Variants in GAPVD1 observed in about 807,000 individuals in gnomAD.
GAPVD1 encodes the protein GTPase activating protein and VPS9 domains 1, also known as GTPase-activating protein and VPS9 domain-containing protein 1.
In GAPVD1, 35 loss-of-function variants were observed where a neutral mutation model predicts 155.5. The ratio of observed to expected loss-of-function variants is 0.23; its 90% confidence interval spans 0.17 to 0.30. GAPVD1 has a LOEUF of 0.30. GAPVD1 is among the 10% of genes least tolerant of loss of function. The pLI is 1.00. For synonymous variants in GAPVD1, 636 were observed against 619.7 expected (o/e 1.03, Z -0.39); for missense variants, 1,429 against 1,775.7 (o/e 0.80, Z 3.51).
chr9:125,307,922 A>G, intron 8 of GAPVD1, 42 bp downstream of exon 8: 1 of 1,291,102 alleles, frequency 7.7e-7, no homozygotes, highest in Non-Finnish European at 1.1e-6. Flanking sequence ...CTTAAATCTA[A>G]TATTTCATTA....
At chr9:125,291,435 T>C (rs1838594569) in intron 2 of GAPVD1, among the ~76,000 whole-genome samples, 1 of 152,122 alleles carries the variant, frequency 6.6e-6, no homozygotes, top group South Asian at 2.1e-4. Flanking sequence ...GAAGTGATTA[T>C]AATGATTGGC....
intron 2 of GAPVD1, among the ~76,000 whole-genome samples, chr9:125,280,575 C>CTT (rs1197408782): frequency 1.5e-5 from 2 of 137,690 alleles, no homozygotes; most frequent in Admixed American, 7.4e-5. Flanking sequence ...GTTACTACTA[C>CTT]TTTTTTTTTT....
At chr9:125,350,905 T>G (rs374219759) in intron 23 of GAPVD1, 33 bp downstream of exon 23, 1 of 1,530,942 alleles carries the variant, frequency 6.5e-7, no homozygotes, top group Non-Finnish European at 8.9e-7. Flanking sequence ...CTTTTAAACC[T>G]AGTTGTTAGC....
chr9:125,268,960 G>A lies in GAPVD1; in HGVS notation c.-174G>A, dbSNP rs953176849. 4.6e-5 allele frequency: 7 copies of A among 151,606 alleles called. No individual in the cohort carries two copies. The highest frequency in any genetic ancestry group is 8.8e-5 in the Non-Finnish European group (6 of 67,912). The allele number at this position is 151,606 out of a possible 1,614,324, so 9.4% of individuals were successfully genotyped here. A position where few individuals can be genotyped will look rare whatever the true frequency, so the allele number is the denominator to read the frequency against. ...GGGGTAAGTGTACTGGAGAGAGTTG[G>A]TTATACATTCTAGGAATCTCAAAGG... On this transcript the variant is annotated 5_prime_UTR_variant, in exon 2 of 28. Transcript: ENST00000297933.
intron 1 of GAPVD1, among the ~76,000 whole-genome samples, chr9:125,264,976 C>T (rs1833617524): frequency 6.6e-6 from 1 of 152,128 alleles, no homozygotes; most frequent in South Asian, 2.1e-4. Context: ...GCCTTGGCCC[C>T]CCAGAGTGCT....
intron 2 of GAPVD1, among the ~76,000 whole-genome samples, chr9:125,276,024 T>C (rs1835727255): frequency 1.3e-5 from 2 of 152,246 alleles, no homozygotes; most frequent in Non-Finnish European, 2.9e-5. Flanking sequence ...GGAAAATTAG[T>C]GTATTGAGGG....
At chr9:125,293,420 T>C (rs751667445) in intron 2 of GAPVD1, among the ~76,000 whole-genome samples, 6 of 151,190 alleles carry the variant, frequency 4.0e-5, no homozygotes, top group Non-Finnish European at 5.9e-5. Context: ...TGAATACATT[T>C]CAGAAATAAT....
intron 2 of GAPVD1, among the ~76,000 whole-genome samples, chr9:125,283,092 C>T (rs1837061027): frequency 6.7e-6 from 1 of 149,382 alleles, no homozygotes; most frequent in Non-Finnish European, 1.5e-5. Flanking sequence ...GGGAGTTTTG[C>T]TCTGTCGCCC....
intron 2 of GAPVD1, among the ~76,000 whole-genome samples, chr9:125,276,573 C>A (rs562972004): frequency 5.2e-4 from 79 of 152,208 alleles, no homozygotes; most frequent in African/African-American, 1.7e-3. Context: ...CCTGTAGTCC[C>A]AGCTACTCAG....
chr9:125,340,989 C>T (rs1029975225), intron 17 of GAPVD1, among the ~76,000 whole-genome samples, 188 bp from the exon 18 acceptor site: 7 of 152,138 alleles, frequency 4.6e-5, no homozygotes, highest in Non-Finnish European at 8.8e-5. Flanking sequence ...GAGGCTGATA[C>T]GGGGAGGATC....
chr9:125,271,128 A>T (rs959431894), intron 2 of GAPVD1, among the ~76,000 whole-genome samples: 1 of 152,094 alleles, frequency 6.6e-6, no homozygotes, highest in African/African-American at 2.4e-5. Context: ...GGCCAAAATT[A>T]TGTTTTTGTA....
At chr9:125,357,715 T>C (rs867222170) in intron 25 of GAPVD1, among the ~76,000 whole-genome samples, 8 of 152,280 alleles carry the variant, frequency 5.3e-5, no homozygotes, top group African/African-American at 1.4e-4. Flanking sequence ...GGCGTATGCC[T>C]GTAATCCCAT....
At chr9:125,275,789 A>G (rs1473720066) in intron 2 of GAPVD1, among the ~76,000 whole-genome samples, 1 of 152,162 alleles carries the variant, frequency 6.6e-6, no homozygotes, top group African/African-American at 2.4e-5. Flanking sequence ...CTTGTTTAAC[A>G]TTGCCAATTT....
intron 2 of GAPVD1, among the ~76,000 whole-genome samples, chr9:125,270,411 A>G (rs1200908746): frequency 6.6e-6 from 1 of 152,104 alleles, no homozygotes; most frequent in African/African-American, 2.4e-5. Context: ...CCTGGGTGAC[A>G]GAGCTAGAGT....
intron 11 of GAPVD1, among the ~76,000 whole-genome samples, chr9:125,325,971 C>A (rs1845111499): frequency 6.6e-6 from 1 of 152,196 alleles, no homozygotes; most frequent in African/African-American, 2.4e-5. Flanking sequence ...GGACATGAAT[C>A]ATTCCTTAGT....
intron 2 of GAPVD1, among the ~76,000 whole-genome samples, chr9:125,269,710 CTTTT>C (rs951306489): frequency 9.5e-5 from 5 of 52,688 alleles, no homozygotes; most frequent in Admixed American, 2.5e-4. Context: ...CCATGCCTGG[CTTTT>C]TTTTTTTTTT....
rs1588836178 is a variant in GAPVD1 at position 125,307,480 on chromosome 9, C to T, written c.1184C>T (p.Ser395Phe). The T allele has an allele frequency of 6.2e-7, 1 of 1,610,054 alleles. No homozygotes were observed. Among genetic ancestry groups the T allele is most frequent in the Non-Finnish European group, 8.5e-7 (1 of 1,176,422 alleles). ...GRAVETPPLS[S>F]VNLLEGLSRT... ...GCAGTGGAGACCCCTCCATTGTCTT[C>T]CGTCAATCTTCTGGAAGGATTGAGC... Residue 395 changes from serine to phenylalanine, a missense_variant, in exon 7 of 28, where the codon TCC becomes TTC. Coordinates refer to ENST00000297933, the MANE Select transcript of GAPVD1 (RefSeq NM_001282680.3).
intron 12 of GAPVD1, among the ~76,000 whole-genome samples, chr9:125,328,353 C>T (rs1297528965): frequency 2.2e-5 from 3 of 133,362 alleles, no homozygotes; most frequent in Non-Finnish European, 4.7e-5. Context: ...TGCGGCCTTC[C>T]GCAGTGTTTG....
chr9:125,273,769 A>G (rs957436026), intron 2 of GAPVD1, among the ~76,000 whole-genome samples: 2 of 151,798 alleles, frequency 1.3e-5, no homozygotes, highest in African/African-American at 2.4e-5. Context: ...CTGGCATTCC[A>G]TGTTTCTGCT....
Sources: allele counts gnomAD v4.1 joint callset (sites outside exome capture counted in the v4.1 genomes callset), GRCh38; gene constraint gnomAD v4.1.1; transcripts MANE v1.5; gene names NCBI Gene and HGNC (gene_info 2026-07-23, HGNC 2026-07-21).